The following VMP1 variants were observed in gnomAD, a reference collection of about 807,000 sequenced individuals.
VMP1 encodes the protein ectopic P-granules autophagy protein 3 homolog.
VMP1 carries 11 observed loss-of-function variants against 56.0 expected under a neutral mutation model. That is an observed-to-expected ratio of 0.20 (90% CI 0.12 to 0.32). VMP1 has a LOEUF of 0.32. Among genes scored for constraint, VMP1 ranks in the 10% least tolerant of loss-of-function variants. VMP1 has a pLI of 1.00. For missense variants in VMP1, 296 were observed against 490.3 expected (o/e 0.60, Z 3.74); for synonymous variants, 149 against 165.0 (o/e 0.90, Z 0.74).
intron 7 of VMP1, among the ~76,000 whole-genome samples, chr17:59,792,020 C>T (rs554701887): frequency 6.6e-6 from 1 of 152,066 alleles, no homozygotes; most frequent in Admixed American, 6.6e-5. Context: ...GCTTGTAATC[C>T]CAGCATTTTG....
intron 5 of VMP1, among the ~76,000 whole-genome samples, chr17:59,762,224 C>T (rs2036082069): frequency 6.6e-6 from 1 of 152,190 alleles, no homozygotes; most frequent in African/African-American, 2.4e-5. Context: ...CTAACCCATG[C>T]TCCCACAAGA....
chr17:59,773,611 A>G (rs2036516293), intron 6 of VMP1, 143 bp from the exon 7 acceptor site: 2 of 734,624 alleles, frequency 2.7e-6, no homozygotes, highest in Non-Finnish European at 4.0e-6. Flanking sequence ...AACTTTTATT[A>G]TTTTGATTAT....
rs1005433784 is a variant in VMP1 at position 59,840,051 on chromosome 17, A to G, written c.*140A>G. On this transcript the variant is annotated 3_prime_UTR_variant, in exon 12 of 12. Transcript: ENST00000262291. ...TTTTTTCCTGAAAGCAGTTTAGTCC[A>G]TACTTTGCACTGACATACTTTTTCC... The G allele has an allele frequency of 2.7e-6, 3 of 1,111,896 alleles. No individual in the cohort carries two copies. The highest frequency in any genetic ancestry group is 5.3e-5 in the East Asian group (2 of 38,060). The allele number at this position is 1,111,896 out of a possible 1,614,324, so 68.9% of individuals were successfully genotyped here.
chr17:59,819,826 G>A (rs1037750575), intron 10 of VMP1, among the ~76,000 whole-genome samples: 2 of 152,156 alleles, frequency 1.3e-5, no homozygotes, highest in African/African-American at 4.8e-5. Flanking sequence ...ACTGCAGAGC[G>A]CAGTGCATAT....
chr17:59,787,115 T>C (rs1332067317), intron 7 of VMP1, among the ~76,000 whole-genome samples: 1 of 152,202 alleles, frequency 6.6e-6, no homozygotes, highest in Non-Finnish European at 1.5e-5. Flanking sequence ...ATTTTGACTA[T>C]TCGCACAGTT....
chr17:59,780,046 C>G (rs1467084768), intron 7 of VMP1, among the ~76,000 whole-genome samples: 1 of 151,970 alleles, frequency 6.6e-6, no homozygotes, highest in Non-Finnish European at 1.5e-5. Context: ...TCTTATGTCC[C>G]TGATTAGTTA....
In VMP1 at chr17:59,765,286, T is replaced by C. The variant is rs543944320; in HGVS notation, c.582+148T>C. 4.5e-6 allele frequency: 4 copies of C among 886,012 alleles called. No individual in the cohort carries two copies. The East Asian group carries it at 1.1e-4, about 24-fold the overall frequency. The allele number at this position is 886,012 out of a possible 1,614,324, so 54.9% of individuals were successfully genotyped here. A position where few individuals can be genotyped will look rare whatever the true frequency, so the allele number is the denominator to read the frequency against. On this transcript the variant is annotated intron_variant, in intron 6 of 11. Transcript: ENST00000262291. ...ACCTACTTCCAAGGCAAAAGAAACCTTTTAGAGCATCTCCTATTCATGAAT... is the reference window on the plus strand; with the variant it reads ...ACCTACTTCCAAGGCAAAAGAAACCCTTTAGAGCATCTCCTATTCATGAAT...
intron 7 of VMP1, among the ~76,000 whole-genome samples, chr17:59,775,722 A>G (rs970472613): frequency 3.9e-5 from 6 of 152,210 alleles, no homozygotes; most frequent in African/African-American, 1.4e-4. Flanking sequence ...AGTATTCTAG[A>G]CAGTGTCCTC....
intron 9 of VMP1, among the ~76,000 whole-genome samples, chr17:59,816,673 C>T (rs1047495123): frequency 2.0e-5 from 3 of 151,560 alleles, no homozygotes; most frequent in Non-Finnish European, 4.4e-5. Context: ...GGCATGGTGG[C>T]GGGCGCCTGT....
chr17:59,726,777 A>G (rs2034623127), intron 1 of VMP1, among the ~76,000 whole-genome samples: 1 of 152,104 alleles, frequency 6.6e-6, no homozygotes, highest in African/African-American at 2.4e-5. Context: ...GTGATGCTCT[A>G]GCATCTTTGG....
chr17:59,817,605 G>A lies in VMP1; in HGVS notation c.913-107G>A, dbSNP rs2038289190. On this transcript the variant is annotated intron_variant, in intron 9 of 11. Coordinates refer to ENST00000262291, the MANE Select transcript of VMP1 (RefSeq NM_030938.5). The stretch of plus-strand genomic sequence containing the variant: ...TTATTTTTAAAGAAATTTAAAAATT[G>A]CAATTAGGGGCACAATCTTACCTCT... 3 of 688,160 alleles carry A rather than the reference G, an allele frequency of 4.4e-6. No individual in the cohort carries two copies. In the Admixed American group the frequency reaches 9.5e-5, roughly 22 times the overall value. 42.6% of individuals were successfully genotyped at this position (688,160 alleles called of 1,614,324 possible).
chr17:59,784,100 AGTGTGTGTGTGTGT>A (rs536985526), intron 7 of VMP1, among the ~76,000 whole-genome samples: 9 of 139,186 alleles, frequency 6.5e-5, no homozygotes, highest in South Asian at 2.4e-4. Context: ...CATCAAAAAG[AGTGTGTGTGTGTGT>A]GTGTGTGTGT....
chr17:59,756,179 A>G (rs1198809952), intron 5 of VMP1, among the ~76,000 whole-genome samples: 1 of 152,204 alleles, frequency 6.6e-6, no homozygotes, highest in African/African-American at 2.4e-5. Context: ...TGTAGACCAT[A>G]ACCTTGTTTT....
intron 7 of VMP1, among the ~76,000 whole-genome samples, chr17:59,788,341 C>T (rs1377842648): frequency 6.6e-6 from 1 of 150,948 alleles, no homozygotes; most frequent in African/African-American, 2.4e-5. Flanking sequence ...ACAAAAATTA[C>T]TCAGGCATGT....
intron 5 of VMP1, among the ~76,000 whole-genome samples, chr17:59,751,033 C>T (rs906621386): frequency 1.0e-4 from 15 of 148,738 alleles, no homozygotes; most frequent in African/African-American, 9.9e-5. Context: ...CCTGGGTTCA[C>T]GCCATTCCCC....
intron 8 of VMP1, among the ~76,000 whole-genome samples, chr17:59,809,946 C>T (rs2037999024): frequency 6.6e-6 from 1 of 152,102 alleles, no homozygotes; most frequent in Non-Finnish European, 1.5e-5. Context: ...AAAATCCATT[C>T]TTCCAATGAA....
At position 59,773,765 on chromosome 17, in the gene VMP1, A is replaced by G. The variant is rs118082621; in HGVS notation, c.594A>G (p.Thr198=). The change falls in exon 7 of 12, where the codon ACA becomes ACG. Residue 198 remains threonine (T), a synonymous_variant. Transcript: ENST00000262291. The stretch of plus-strand genomic sequence containing the variant: ...GGTTTTTCACCTAGGGTATCGGTAC[A>G]GCAATCGGAGAGCTGCCTCCATATT... The part of the protein sequence containing the change: ...RIEACMWGIG[T]AIGELPPYFM... 6.5e-3 allele frequency: 10,482 copies of G among 1,606,192 alleles called. 50 individuals are homozygous for G. Among genetic ancestry groups the G allele is most frequent in the Non-Finnish European group, 7.5e-3 (8,851 of 1,177,460 alleles).
chr17:59,725,341 C>T (rs911797549), intron 1 of VMP1, among the ~76,000 whole-genome samples: 4 of 151,908 alleles, frequency 2.6e-5, no homozygotes, highest in Non-Finnish European at 4.4e-5. Context: ...TTTTACAGTA[C>T]GTATGATTGG....
chr17:59,804,540 G>A (rs1285860248), intron 7 of VMP1, among the ~76,000 whole-genome samples: 1 of 150,564 alleles, frequency 6.6e-6, no homozygotes, highest in African/African-American at 2.4e-5. Context: ...ACTTGAACCC[G>A]GGAGGCAGAT....
Sources: allele counts gnomAD v4.1 joint callset (sites outside exome capture counted in the v4.1 genomes callset), GRCh38; gene constraint gnomAD v4.1.1; transcripts MANE v1.5; gene names NCBI Gene and HGNC (gene_info 2026-07-23, HGNC 2026-07-21).